The following FAHD1 variants were observed in gnomAD, a reference collection of about 807,000 sequenced individuals.
The protein encoded by FAHD1 is oxaloacetate tautomerase FAHD1, mitochondrial.
FAHD1 carries 14 observed loss-of-function variants against 12.7 expected under a neutral mutation model. That is an observed-to-expected ratio of 1.10 (90% CI 0.73 to 1.72). The LOEUF is 1.72. Ranked by LOEUF, FAHD1 falls within the 40% of genes most tolerant of loss-of-function variation. FAHD1 has a pLI of 0.00. For synonymous variants in FAHD1, 153 were observed against 124.9 expected (o/e 1.22, Z -1.50); for missense variants, 351 against 298.9 (o/e 1.17, Z -1.29).
downstream of FAHD1, among the ~76,000 whole-genome samples, chr16:1,833,469 CA>C (rs1421952500): frequency 1.3e-5 from 2 of 151,930 alleles, no homozygotes; most frequent in Non-Finnish European, 2.9e-5. Context: ...TCCCACCCAG[CA>C]CCAAGAGCCC....
chr16:1,830,915 T>TACACACACACAC (rs1555470121), downstream of FAHD1, among the ~76,000 whole-genome samples: 16 of 37,564 alleles, frequency 4.3e-4, no homozygotes, highest in African/African-American at 1.4e-3. Flanking sequence ...TCTCTCTCTC[T>TACACACACACAC]ATACACACAC....
chr16:1,838,119 G>T, exon 2 of FAHD1: 1 of 614,116 alleles, frequency 1.6e-6, no homozygotes, highest in Non-Finnish European at 2.8e-6. Flanking sequence ...TCAGCTTCCC[G>T]TTTCTGAGGT....
intron 1 of FAHD1, among the ~76,000 whole-genome samples, chr16:1,836,220 A>C (rs1189785711): frequency 3.3e-5 from 5 of 152,034 alleles, no homozygotes; most frequent in Non-Finnish European, 7.4e-5. Context: ...ACATCTTTTT[A>C]TTTGTAAAAT....
exon 3 of FAHD1, chr16:1,839,664 G>T: frequency 2.2e-6 from 1 of 453,742 alleles, no homozygotes; most frequent in Admixed American, 4.0e-5. Context: ...TCCTCTGCCT[G>T]CCCTCCTTCC....
chr16:1,833,653 C>T (rs965464378), downstream of FAHD1, among the ~76,000 whole-genome samples: 2 of 151,160 alleles, frequency 1.3e-5, no homozygotes, highest in Non-Finnish European at 2.9e-5. Flanking sequence ...CCTCCTCATC[C>T]CAGGTTCAAG....
chr16:1,833,027 C>CT (rs1898651418), downstream of FAHD1, among the ~76,000 whole-genome samples: 3 of 151,904 alleles, frequency 2.0e-5, no homozygotes, highest in South Asian at 2.1e-4. Context: ...TCACTTTTTC[C>CT]TTTTTTTTCA....
exon 1 of FAHD1, chr16:1,828,601 T>C: frequency 1.0e-6 from 1 of 999,150 alleles, no homozygotes; most frequent in Non-Finnish European, 1.2e-6. Context: ...TTAGATTTGG[T>C]CATCATCAGG....
At chr16:1,828,178 G>A in exon 1 of FAHD1, 1 of 849,270 alleles carries the variant, frequency 1.2e-6, no homozygotes, top group Non-Finnish European at 1.6e-6. Context: ...CTACTCTGGA[G>A]GCTGAGGCAG....
At chr16:1,833,308 C>T (rs1268628998), downstream of FAHD1, among the ~76,000 whole-genome samples, 1 of 152,124 alleles carries the variant, frequency 6.6e-6, no homozygotes, top group African/African-American at 2.4e-5. Context: ...TTGGTCTCCT[C>T]CCAGTTGATT....
At chr16:1,837,840 G>A in intron 1 of FAHD1, 2 of 1,534,526 alleles carry the variant, frequency 1.3e-6, no homozygotes, top group South Asian at 2.5e-5. Flanking sequence ...GCTGTTTTCT[G>A]TTCATCTGTC....
At chr16:1,837,649 G>C (rs1898785425) in intron 1 of FAHD1, 2 of 501,796 alleles carry the variant, frequency 4.0e-6, no homozygotes, top group South Asian at 8.9e-5. Context: ...TTTTAGGATA[G>C]CTGAATCCTT....
chr16:1,837,741 T>C, intron 1 of FAHD1: 1 of 1,013,694 alleles, frequency 9.9e-7, no homozygotes, highest in Non-Finnish European at 1.4e-6. Flanking sequence ...ATATACAGAA[T>C]AATAAATATA....
At chr16:1,830,983 AAG>A (rs1373805428), downstream of FAHD1, among the ~76,000 whole-genome samples, 3 of 144,884 alleles carry the variant, frequency 2.1e-5, no homozygotes, top group Non-Finnish European at 4.6e-5. Flanking sequence ...TGACTGCAGA[AAG>A]ACTCTTCCCT....
intron 1 of FAHD1, chr16:1,837,774 A>G: frequency 2.9e-6 from 4 of 1,385,486 alleles, no homozygotes; most frequent in Admixed American, 2.2e-5. Context: ...GGACTATAAA[A>G]TGCACTAACT....
exon 1 of FAHD1, chr16:1,827,409 C>T (rs1232886180): frequency 6.2e-7 from 1 of 1,610,970 alleles, no homozygotes; most frequent in Non-Finnish European, 8.5e-7. Flanking sequence ...CGCCCATCCT[C>T]ATGCCCGCGT....
At chr16:1,831,479 C>T (rs191331391), downstream of FAHD1, among the ~76,000 whole-genome samples, 12 of 152,288 alleles carry the variant, frequency 7.9e-5, no homozygotes, top group Admixed American at 3.3e-4. Context: ...CTGCTCTCCC[C>T]GCCCTTTCCA....
downstream of FAHD1, among the ~76,000 whole-genome samples, chr16:1,833,554 CTTTTTT>C (rs769668788): frequency 2.6e-5 from 3 of 114,286 alleles, no homozygotes; most frequent in African/African-American, 7.0e-5. Flanking sequence ...TTTAGAGGTA[CTTTTTT>C]TTTTTTTTTT....
At chr16:1,829,868 C>CTT (rs140341882), downstream of FAHD1, among the ~76,000 whole-genome samples, 6,479 of 149,612 alleles carry the variant, frequency 0.043, 437 homozygotes, top group African/African-American at 0.14. Context: ...TTCTTTCTTT[C>CTT]TTTTTTCTTT....
intron 2 of FAHD1, chr16:1,839,255 C>A: frequency 6.3e-7 from 1 of 1,578,890 alleles, no homozygotes. Context: ...TGCTATTTAC[C>A]GTGCAGCCCA....
Sources: allele counts gnomAD v4.1 joint callset (sites outside exome capture counted in the v4.1 genomes callset), GRCh38; gene constraint gnomAD v4.1.1; transcripts MANE v1.5; gene names NCBI Gene and HGNC (gene_info 2026-07-23, HGNC 2026-07-21).